MRTO4: variants seen among roughly 807,000 people sequenced by gnomAD.
MRTO4 encodes MRT4 homolog, ribosome maturation factor, also known as mRNA turnover protein 4 homolog.
Under a neutral mutation model 28.6 loss-of-function variants are expected in MRTO4, and 7 were observed. The observed-to-expected ratio is 0.24, with a 90% CI of 0.14 to 0.46. The LOEUF is 0.46. Among genes scored for constraint, MRTO4 ranks in the 20% least tolerant of loss-of-function variants. The pLI, the probability that MRTO4 is intolerant of heterozygous loss-of-function variation, is 0.99. For missense variants in MRTO4, 302 were observed against 298.3 expected, an observed-to-expected ratio of 1.01 and a Z score of -0.09; for synonymous variants, 113 against 108.2, an observed-to-expected ratio of 1.04 and a Z score of -0.27.
intron 2 of MRTO4, among the ~76,000 whole-genome samples, 180 bp downstream of exon 2, chr1:19,255,020 T>C (rs865993503): frequency 6.6e-6 from 1 of 151,990 alleles, no homozygotes; most frequent in East Asian, 1.9e-4. Context: ...AAAACTTCCA[T>C]AGTGATGATT....
chr1:19,252,959 C>G (rs1276575500), intron 1 of MRTO4, among the ~76,000 whole-genome samples: 1 of 152,156 alleles, frequency 6.6e-6, no homozygotes, highest in Non-Finnish European at 1.5e-5. Context: ...CTTAAGAGAC[C>G]GTTTTTGACC....
intron 2 of MRTO4, 58 bp from the exon 3 acceptor site, chr1:19,255,890 G>C (rs954401111): frequency 1.1e-5 from 16 of 1,425,056 alleles, no homozygotes; most frequent in Non-Finnish European, 1.6e-5. Context: ...TCTGAGGCCA[G>C]AGTAGTGCCC....
chr1:19,253,476 G>C (rs1285270195), intron 1 of MRTO4, among the ~76,000 whole-genome samples: 1 of 152,180 alleles, frequency 6.6e-6, no homozygotes, highest in Admixed American at 6.5e-5. Flanking sequence ...GGTGAAGTGA[G>C]TAGCAGAGGA....
intron 1 of MRTO4, 22 bp downstream of exon 1, chr1:19,251,885 AC>A (rs776676913): frequency 4.4e-6 from 7 of 1,588,726 alleles, no homozygotes; most frequent in Non-Finnish European, 5.1e-6. Context: ...GGGAGTCGGG[AC>A]CCTGGGGGGA....
chr1:19,252,458 G>A (rs2093663375), intron 1 of MRTO4, among the ~76,000 whole-genome samples: 1 of 152,220 alleles, frequency 6.6e-6, no homozygotes, highest in Non-Finnish European at 1.5e-5. Flanking sequence ...AGCACTCTGG[G>A]AGGCCGAGGC....
In MRTO4 at chr1:19,258,674, C is replaced by G. The variant is rs574378241; in HGVS notation, c.571-7C>G. On this transcript the variant is annotated splice_polypyrimidine_tract_variant and splice_region_variant and intron_variant, in intron 7 of 7. Transcript: ENST00000330263. ...TCCTGATTCTTTGTTCCCTTTGTCT[C>G]TTGCAGAAGCTTTTTGGGTATGAGA... The G allele has an allele frequency of 1.2e-6, 2 of 1,614,192 alleles. No homozygotes were observed. Among genetic ancestry groups the G allele is most frequent in the Non-Finnish European group, 1.7e-6 (2 of 1,180,016 alleles).
chr1:19,257,622 A>T (rs1232248627), intron 5 of MRTO4, 101 bp downstream of exon 5: 2 of 1,481,148 alleles, frequency 1.4e-6, no homozygotes, highest in Admixed American at 3.4e-5. Context: ...TCAAGTTGGA[A>T]CTGCTCCTGG....
rs2093673960 is a variant in MRTO4, at chr1:19,257,847, A to G, written c.356A>G (p.Tyr119Cys). The G allele has an allele frequency of 6.2e-7, 1 of 1,613,094 alleles. No homozygotes were observed. The highest frequency in any genetic ancestry group is 1.3e-5 in the African/African-American group (1 of 74,908). The change falls in exon 6 of 8, where the codon TAC (tyrosine) becomes TGC (cysteine). Residue 119 changes from tyrosine to cysteine, a missense_variant. Tyr to Cys is a radical substitution (Grantham distance 194). Transcript: ENST00000330263. ...KEEVNEWFTK[Y>C]TEMDYARAGN... ...TTTTCCCTTAGGTGGTTCACGAAAT[A>G]CACAGAAATGGACTACGCCCGAGCT...
intron 3 of MRTO4, among the ~76,000 whole-genome samples, 190 bp from the exon 4 acceptor site, chr1:19,256,874 T>G (rs1259810986): frequency 1.3e-5 from 2 of 151,542 alleles, no homozygotes; most frequent in Admixed American, 6.6e-5. Flanking sequence ...ATGTCAGGAG[T>G]CTGTGGGTGG....
chr1:19,257,688 AT>A, intron 5 of MRTO4, 144 bp from the exon 6 acceptor site: 1 of 1,359,920 alleles, frequency 7.4e-7, no homozygotes, highest in Non-Finnish European at 1.0e-6. Context: ...CCTCTCCAGC[AT>A]GGTGCTCTGG....
chr1:19,251,950 G>T, intron 1 of MRTO4, 87 bp downstream of exon 1: 1 of 1,509,382 alleles, frequency 6.6e-7, no homozygotes, highest in Non-Finnish European at 8.9e-7. Flanking sequence ...CGGCGGGGGC[G>T]CAGATTGGAA....
intron 5 of MRTO4, 140 bp downstream of exon 5, chr1:19,257,661 A>G: frequency 7.4e-7 from 1 of 1,348,170 alleles, no homozygotes; most frequent in Non-Finnish European, 1.0e-6. Flanking sequence ...GTGGCCTGGG[A>G]CCACAGCCCT....
rs1198873971 is a variant in MRTO4, at chr1:19,258,819, G to C, written c.709G>C (p.Asp237His). ...SESTEESDSE[D>H]DD Reference sequence around the variant, plus strand: ...GTCCACAGAAGAGTCAGACTCAGAAGATGATGACTGAAAGGGACTCGGGAC... The same window carrying C: ...GTCCACAGAAGAGTCAGACTCAGAACATGATGACTGAAAGGGACTCGGGAC... The change falls in exon 8 of 8, where the codon GAT becomes CAT. Residue 237 changes from aspartate (D) to histidine (H), a missense_variant. Transcript: ENST00000330263. The C allele has an allele frequency of 8.1e-6, 13 of 1,613,988 alleles. No homozygotes were observed. The highest frequency in any genetic ancestry group is 1.0e-5 in the Non-Finnish European group (12 of 1,179,998).
intron 3 of MRTO4, 29 bp from the exon 4 acceptor site, chr1:19,257,035 C>T (rs766980123): frequency 6.2e-7 from 1 of 1,609,714 alleles, no homozygotes; most frequent in African/African-American, 1.3e-5. Flanking sequence ...GCTCTTCCTT[C>T]ACAGAATGCT....
chr1:19,258,468 C>T lies in MRTO4; in HGVS notation c.494-9C>T. On this transcript the variant is annotated splice_polypyrimidine_tract_variant and intron_variant, in intron 6 of 7. Transcript: ENST00000330263. Reference sequence around the variant, plus strand: ...GCCAGAGGTAACTGAGAGCCACCCTCTTCTGCAGGTGTGGTGACTCTGCTG... The same window carrying T: ...GCCAGAGGTAACTGAGAGCCACCCTTTTCTGCAGGTGTGGTGACTCTGCTG... The T allele has an allele frequency of 6.2e-7, 1 of 1,613,654 alleles. No individual in the cohort carries two copies. The highest frequency in any genetic ancestry group is 8.5e-7 in the Non-Finnish European group (1 of 1,180,022).
chr1:19,254,762 C>A lies in MRTO4; in HGVS notation c.29-20C>A. The A allele has an allele frequency of 1.3e-6, 2 of 1,599,014 alleles. No individual in the cohort carries two copies. The highest frequency in any genetic ancestry group is 1.7e-6 in the Non-Finnish European group (2 of 1,166,466). The stretch of plus-strand genomic sequence containing the variant: ...TTTAGATTGGTCTCTCATCATCTCT[C>A]TCCTTTTTGTTTTTATTAGTCTCCT... On this transcript the variant is annotated intron_variant, in intron 1 of 7. Transcript: ENST00000330263.
chr1:19,252,062 G>C, intron 1 of MRTO4, 199 bp downstream of exon 1: 1 of 747,724 alleles, frequency 1.3e-6, no homozygotes, highest in Middle Eastern at 4.0e-4. Context: ...GGTCGGGTCT[G>C]GGGAGCGGAG....
At chr1:19,256,510 C>T (rs934265761) in intron 3 of MRTO4, among the ~76,000 whole-genome samples, 2 of 152,170 alleles carry the variant, frequency 1.3e-5, no homozygotes, top group African/African-American at 4.8e-5. Context: ...AGTGAAACTC[C>T]ACCTCAAAAA....
At chr1:19,251,918 G>T (rs2093661508) in intron 1 of MRTO4, 55 bp downstream of exon 1, 2 of 1,562,040 alleles carry the variant, frequency 1.3e-6, no homozygotes, top group African/African-American at 2.7e-5. Flanking sequence ...TGGCTACCCA[G>T]CCTGCGGTGA....
Sources: allele counts gnomAD v4.1 joint callset (sites outside exome capture counted in the v4.1 genomes callset), GRCh38; gene constraint gnomAD v4.1.1; transcripts MANE v1.5; gene names NCBI Gene and HGNC (gene_info 2026-07-23, HGNC 2026-07-21).